Variants in CDH8 observed in about 807,000 individuals in gnomAD.
CDH8 encodes the protein cadherin-8.
In CDH8, 17 loss-of-function variants were observed where a neutral mutation model predicts 68.1. The ratio of observed to expected loss-of-function variants is 0.25; its 90% CI spans 0.17 to 0.37. CDH8 has a LOEUF of 0.37. Among genes scored for constraint, CDH8 ranks in the 10% least tolerant of loss-of-function variants. The probability of loss-of-function intolerance (pLI) is 1.00; values close to 1 mark genes in which losing one functional copy is unlikely to be tolerated. For missense variants in CDH8, 763 were observed against 999.3 expected (o/e 0.76, Z 3.19); for synonymous variants, 372 against 365.1 (o/e 1.02, Z -0.21).
chr16:62,007,056 T>C (rs1965987193), intron 2 of CDH8, among the ~76,000 whole-genome samples: 1 of 151,936 alleles, frequency 6.6e-6, no homozygotes. Flanking sequence ...TGCAGGTGAG[T>C]GCCACCATGC....
chr16:61,854,352 G>A (rs962289169), intron 4 of CDH8, among the ~76,000 whole-genome samples: 35 of 152,134 alleles, frequency 2.3e-4, no homozygotes, highest in African/African-American at 7.2e-4. Flanking sequence ...AAGCCTGGCC[G>A]TTTATGTGCA....
chr16:61,738,704 T>C (rs1959776227), intron 8 of CDH8, among the ~76,000 whole-genome samples: 1 of 152,224 alleles, frequency 6.6e-6, no homozygotes, highest in East Asian at 1.9e-4. Context: ...ATTTGTGTTT[T>C]ATAATGCGTC....
At chr16:61,782,132 G>A (rs895526557) in intron 8 of CDH8, among the ~76,000 whole-genome samples, 3 of 152,210 alleles carry the variant, frequency 2.0e-5, no homozygotes, top group African/African-American at 7.2e-5. Flanking sequence ...CTCCCAGCGT[G>A]AGCGACGCAG....
At chr16:61,683,944 A>G (rs1272885637) in intron 10 of CDH8, among the ~76,000 whole-genome samples, 1 of 152,032 alleles carries the variant, frequency 6.6e-6, no homozygotes, top group Non-Finnish European at 1.5e-5. Context: ...CCCTAGAAGG[A>G]AGAGCAGGGC....
chr16:61,827,116 A>C (rs1283898510), intron 4 of CDH8, among the ~76,000 whole-genome samples: 1 of 151,910 alleles, frequency 6.6e-6, no homozygotes, highest in Non-Finnish European at 1.5e-5. Flanking sequence ...ACCTCATTAT[A>C]TTAGCATGTT....
intron 2 of CDH8, among the ~76,000 whole-genome samples, chr16:62,001,506 T>C (rs2150596938): frequency 6.6e-6 from 1 of 152,220 alleles, no homozygotes; most frequent in East Asian, 1.9e-4. Flanking sequence ...CCAAGGTAAA[T>C]ACACAAGCTA....
intron 4 of CDH8, among the ~76,000 whole-genome samples, chr16:61,847,032 T>G (rs1358001291): frequency 6.6e-6 from 1 of 152,118 alleles, no homozygotes; most frequent in Admixed American, 6.6e-5. Flanking sequence ...TGACAAAAGA[T>G]ATATTCTAAG....
intron 7 of CDH8, among the ~76,000 whole-genome samples, chr16:61,793,260 T>C (rs992931853): frequency 6.6e-6 from 1 of 151,932 alleles, no homozygotes; most frequent in African/African-American, 2.4e-5. Flanking sequence ...TTTTTTAACT[T>C]TATTTGAAGT....
intron 8 of CDH8, 152 bp downstream of exon 8, chr16:61,789,194 T>G: frequency 1.7e-6 from 1 of 593,900 alleles, no homozygotes; most frequent in Non-Finnish European, 2.9e-6. Flanking sequence ...TATTTTGTGT[T>G]GAGATGATAC....
chr16:61,902,969 G>T (rs1162204), intron 2 of CDH8, among the ~76,000 whole-genome samples: 147,618 of 152,266 alleles, frequency 0.97, 71,578 homozygotes, highest in East Asian at 1. Context: ...TCCTAATTTA[G>T]GATCATTTTA....
intron 8 of CDH8, among the ~76,000 whole-genome samples, chr16:61,780,686 C>G (rs932320495): frequency 2.0e-5 from 3 of 152,094 alleles, no homozygotes; most frequent in African/African-American, 7.2e-5. Context: ...TTTTTTTCCC[C>G]AAGACATGGT....
chr16:61,782,847 A>C (rs993643317), intron 8 of CDH8, among the ~76,000 whole-genome samples: 4 of 152,172 alleles, frequency 2.6e-5, no homozygotes, highest in East Asian at 1.9e-4. Flanking sequence ...CTCACATGGC[A>C]GGGTATTCCA....
intron 2 of CDH8, among the ~76,000 whole-genome samples, chr16:61,914,314 T>C (rs1964203961): frequency 6.6e-6 from 1 of 152,220 alleles, no homozygotes; most frequent in Non-Finnish European, 1.5e-5. Context: ...ATACTAATTA[T>C]CAATGAATAC....
rs147589470 is a variant in CDH8, at chr16:61,963,622, T to C, written c.252+57530A>G. Among the ~76,000 whole-genome samples, 138 of 152,336 alleles carry C rather than the reference T, an allele frequency of 9.1e-4. 1 individual carries two copies. The East Asian group carries it at 0.024, about 26-fold the overall frequency. ...AAAAATTAACGATAAAGTGAGACTT[T>C]GTTCTCCATTGTGATAAGGACTGAA... On this transcript the variant is annotated intron_variant, in intron 2 of 11. Transcript: ENST00000577390.
intron 2 of CDH8, among the ~76,000 whole-genome samples, chr16:61,905,448 A>T (rs1409120815): frequency 6.6e-6 from 1 of 151,880 alleles, no homozygotes; most frequent in Non-Finnish European, 1.5e-5. Flanking sequence ...TAATTAATAT[A>T]TTTAATTATG....
intron 9 of CDH8, chr16:61,726,146 C>T (rs1384811548): frequency 6.6e-6 from 1 of 150,890 alleles, no homozygotes; most frequent in Non-Finnish European, 1.5e-5. Flanking sequence ...ACATGAGGCA[C>T]AAGAATAGTT....
intron 2 of CDH8, among the ~76,000 whole-genome samples, chr16:61,985,702 A>G (rs181159828): frequency 6.6e-6 from 1 of 152,236 alleles, no homozygotes; most frequent in African/African-American, 2.4e-5. Context: ...CATGTTGGTC[A>G]GGCTGGTCTC....
intron 3 of CDH8, among the ~76,000 whole-genome samples, chr16:61,881,126 A>G (rs1963568950): frequency 6.6e-6 from 1 of 152,170 alleles, no homozygotes; most frequent in Non-Finnish European, 1.5e-5. Flanking sequence ...GAGAGGCTGA[A>G]GCAGAAGATC....
intron 3 of CDH8, among the ~76,000 whole-genome samples, chr16:61,870,272 T>C (rs978874023): frequency 1.3e-5 from 2 of 152,222 alleles, no homozygotes; most frequent in Non-Finnish European, 2.9e-5. Context: ...CTTTTGGCAA[T>C]CCATTTATAA....
Sources: allele counts gnomAD v4.1 joint callset (sites outside exome capture counted in the v4.1 genomes callset), GRCh38; gene constraint gnomAD v4.1.1; transcripts MANE v1.5; gene names NCBI Gene and HGNC (gene_info 2026-07-23, HGNC 2026-07-21).